The following CCDC191 variants were observed in gnomAD, a reference collection of about 807,000 sequenced individuals.
CCDC191 encodes the protein coiled-coil domain containing 191, also known as coiled-coil domain-containing protein 191.
CCDC191 carries 99 observed loss-of-function variants against 114.0 expected under a neutral mutation model. The observed-to-expected ratio is 0.87, with a 90% CI of 0.74 to 1.03. The LOEUF is 1.03. Ranked by LOEUF, CCDC191 falls within the 50% of genes least tolerant of loss-of-function variation. The pLI, the probability that CCDC191 is intolerant of heterozygous loss-of-function variation, is 0.00. For missense variants in CCDC191, 973 were observed against 1,087.0 expected (o/e 0.90, Z 1.47); for synonymous variants, 351 against 376.0 (o/e 0.93, Z 0.77).
rs570188534 is a variant in CCDC191, at chr3:114,006,226, A to G, written c.1414-264T>C. On this transcript the variant is annotated intron_variant, in intron 9 of 16. Coordinates refer to ENST00000295878, the MANE Select transcript of CCDC191 (RefSeq NM_020817.2). ...CACGTTGGGAGGCCGAGATGGGCAG[A>G]TGACTTAAGGTCAGGAGATTGAGAT... Among the ~76,000 whole-genome samples the G allele has an allele frequency of 3.3e-5, 5 of 151,944 alleles. No individual in the cohort carries two copies. The South Asian group carries it at 1.0e-3, about 32-fold the overall frequency.
intron 4 of CCDC191, among the ~76,000 whole-genome samples, chr3:114,042,426 T>C (rs1004571383): frequency 3.9e-5 from 6 of 152,148 alleles, no homozygotes; most frequent in South Asian, 2.1e-4. Context: ...TCTGAGGAGT[T>C]TGGTATCTGT....
At chr3:113,971,362 T>G (rs929347068) in intron 16 of CCDC191, among the ~76,000 whole-genome samples, 2 of 152,242 alleles carry the variant, frequency 1.3e-5, no homozygotes, top group African/African-American at 2.4e-5. Flanking sequence ...CATAAATGTC[T>G]TCTTTTGAGA....
At chr3:114,020,719 C>T (rs977764992) in intron 7 of CCDC191, among the ~76,000 whole-genome samples, 1 of 152,028 alleles carries the variant, frequency 6.6e-6, no homozygotes, top group Admixed American at 6.6e-5. Context: ...GTCTGTTTAC[C>T]AAATCCCCTT....
rs200722327 is a variant in CCDC191, at chr3:114,005,485, G to A, written c.1868+23C>T. 21 of 1,579,098 alleles carry A rather than the reference G, an allele frequency of 1.3e-5. 1 individual carries two copies. The highest frequency in any genetic ancestry group is 3.4e-4 in the Middle Eastern group (2 of 5,872). ...AAAAACCCCTTAAAATGAGTCCAGCGAGTTCTGATAGAACAGACATACTTC... is the reference window on the plus strand; with the variant it reads ...AAAAACCCCTTAAAATGAGTCCAGCAAGTTCTGATAGAACAGACATACTTC... On this transcript the variant is annotated intron_variant, in intron 10 of 16. Transcript: ENST00000295878.
chr3:114,015,858 G>C (rs1388825688), intron 8 of CCDC191, among the ~76,000 whole-genome samples: 2 of 152,210 alleles, frequency 1.3e-5, no homozygotes, highest in Non-Finnish European at 2.9e-5. Flanking sequence ...GGAAAAGCAA[G>C]ATGCATTTTT....
rs181004490 is a variant in CCDC191 at position 113,967,777 on chromosome 3, C to T, written c.2607-2418G>A. ...ATATTGTACCCATTAATCAACCTCT[C>T]TTCATCCACCTCCCAACCTCTACCC... is the stretch of plus-strand genomic sequence containing the variant. On this transcript the variant is annotated intron_variant, in intron 16 of 16. Transcript: ENST00000295878. Among the ~76,000 whole-genome samples, 3 of 152,274 alleles carry T rather than the reference C, an allele frequency of 2.0e-5. No homozygotes were observed. In the East Asian group the frequency reaches 5.8e-4, roughly 29 times the overall value.
chr3:114,055,267 G>T (rs1440162087), intron 1 of CCDC191, among the ~76,000 whole-genome samples: 2 of 152,076 alleles, frequency 1.3e-5, no homozygotes, highest in African/African-American at 4.8e-5. Flanking sequence ...ATGAGCACTA[G>T]CAGCAAAAAT....
At chr3:113,993,602 G>T (rs1357462456) in intron 13 of CCDC191, among the ~76,000 whole-genome samples, 2 of 152,092 alleles carry the variant, frequency 1.3e-5, no homozygotes, top group African/African-American at 4.8e-5. Context: ...CAAATGGGCT[G>T]GGCATGGTGG....
chr3:114,007,031 T>C (rs1304217330), intron 9 of CCDC191, among the ~76,000 whole-genome samples: 1 of 152,198 alleles, frequency 6.6e-6, no homozygotes, highest in Non-Finnish European at 1.5e-5. Flanking sequence ...AGAATAATGT[T>C]ACCTAATAAT....
rs1216006618 is a variant in CCDC191 at position 114,035,119 on chromosome 3, T to C, written c.624A>G (p.Lys208=). Reference sequence around the variant, plus strand: ...TTTCTATTCTCTGGTACTCCAGTTCTTTCTCACGTCTTAAGCGATTTTCTT... The same window carrying C: ...TTTCTATTCTCTGGTACTCCAGTTCCTTCTCACGTCTTAAGCGATTTTCTT... ...QVKENRLRRE[K]ELEYQRIEKT... is the part of the protein sequence containing the mutation. Residue 208 remains lysine, a synonymous_variant, in exon 6 of 17, where the codon AAA becomes AAG. Transcript: ENST00000295878. The C allele has an allele frequency of 1.2e-6, 2 of 1,614,012 alleles. No homozygotes were observed. Among genetic ancestry groups the C allele is most frequent in the Non-Finnish European group, 8.5e-7 (1 of 1,179,954 alleles).
chr3:114,028,809 A>G (rs2076362372), intron 7 of CCDC191, among the ~76,000 whole-genome samples: 1 of 150,710 alleles, frequency 6.6e-6, no homozygotes, highest in Admixed American at 6.6e-5. Context: ...TCATAGATAC[A>G]GAAGTCAGTT....
intron 13 of CCDC191, among the ~76,000 whole-genome samples, chr3:113,981,486 G>A (rs1395215076): frequency 6.6e-6 from 1 of 152,082 alleles, no homozygotes; most frequent in Non-Finnish European, 1.5e-5. Flanking sequence ...AAAGGTGAGA[G>A]AAAAAGAAAT....
chr3:114,028,911 T>C (rs2076363656), intron 7 of CCDC191, among the ~76,000 whole-genome samples: 1 of 151,118 alleles, frequency 6.6e-6, no homozygotes, highest in Non-Finnish European at 1.5e-5. Context: ...ATAAATATAA[T>C]GTGTGTGTAT....
rs1262656110 is a variant in CCDC191, at chr3:114,036,634, G to C, written c.568C>G (p.Leu190Val). 6.2e-7 allele frequency: 1 copy of C among 1,601,626 alleles called. No individual in the cohort carries two copies. The part of the protein sequence containing the change: ...QDKKQQKDPR[L>V]TMEMRHKQVK... ...TGCTTATGTCTCATCTCCATGGTAA[G>C]ACGAGGATCCTTCTGCTGCTTCTTG... Residue 190 changes from leucine to valine, a missense_variant, in exon 5 of 17, where the codon CTT becomes GTT. Leu to Val is a conservative substitution (Grantham distance 32, BLOSUM62 1). Transcript: ENST00000295878.
intron 13 of CCDC191, among the ~76,000 whole-genome samples, chr3:114,000,222 G>A (rs999007424): frequency 2.0e-5 from 3 of 152,194 alleles, no homozygotes; most frequent in African/African-American, 7.2e-5. Context: ...TAATGTTGGT[G>A]GGCATCATCC....
In CCDC191 at chr3:113,965,051, G is replaced by T; in HGVS notation, c.*104C>A. The stretch of plus-strand genomic sequence containing the variant: ...ATTCCTTTGATCTAAGAAGTAGCTC[G>T]TAGAGAATAAACCAGGTGTATGTAT... On this transcript the variant is annotated 3_prime_UTR_variant, in exon 17 of 17. Transcript: ENST00000295878. The T allele has an allele frequency of 3.4e-6, 2 of 591,728 alleles. No homozygotes were observed. Among genetic ancestry groups the T allele is most frequent in the Non-Finnish European group, 5.6e-6 (2 of 354,458 alleles). 36.7% of individuals were successfully genotyped at this position (591,728 alleles called of 1,614,324 possible). A position where few individuals can be genotyped will look rare whatever the true frequency, so the allele number is the denominator to read the frequency against.
At chr3:114,016,742 C>T (rs1039418357) in intron 8 of CCDC191, among the ~76,000 whole-genome samples, 4 of 152,094 alleles carry the variant, frequency 2.6e-5, no homozygotes, top group African/African-American at 4.8e-5. Flanking sequence ...TTAATTGGAA[C>T]GGAATCTTAA....
chr3:114,004,505 T>G, intron 11 of CCDC191, 132 bp downstream of exon 11: 1 of 1,462,934 alleles, frequency 6.8e-7, no homozygotes, highest in South Asian at 1.3e-5. Flanking sequence ...TGTCTACCAT[T>G]CTGAGATTTT....
intron 9 of CCDC191, among the ~76,000 whole-genome samples, chr3:114,010,286 C>CT (rs2076046757): frequency 6.6e-6 from 1 of 152,028 alleles, no homozygotes; most frequent in South Asian, 2.1e-4. Context: ...GATGGCTATA[C>CT]TTTAACATGT....
Sources: allele counts gnomAD v4.1 joint callset (sites outside exome capture counted in the v4.1 genomes callset), GRCh38; gene constraint gnomAD v4.1.1; transcripts MANE v1.5; gene names NCBI Gene and HGNC (gene_info 2026-07-23, HGNC 2026-07-21).